SLC30A9: variants seen among roughly 807,000 people sequenced by gnomAD.
SLC30A9 encodes the protein solute carrier family 30 member 9.
Under a neutral mutation model 87.5 loss-of-function variants are expected in SLC30A9, and 58 were observed. That is an observed-to-expected ratio of 0.66 (90% CI 0.54 to 0.82). The LOEUF (loss-of-function observed/expected upper bound fraction) is 0.82. SLC30A9 is among the 40% of genes least tolerant of loss of function. The pLI, the probability that SLC30A9 is intolerant of heterozygous loss-of-function variation, is 0.00. For synonymous variants in SLC30A9, 234 were observed against 233.0 expected (o/e 1.00, Z -0.04); for missense variants, 557 against 679.1 (o/e 0.82, Z 2.00).
At chr4:42,047,468 A>G (rs947624333) in intron 8 of SLC30A9, among the ~76,000 whole-genome samples, 2 of 152,234 alleles carry the variant, frequency 1.3e-5, no homozygotes, top group African/African-American at 2.4e-5. Context: ...GCCAACAAAC[A>G]TATGGAAAAA....
At chr4:42,082,282 A>G (rs1718771925) in intron 17 of SLC30A9, among the ~76,000 whole-genome samples, 1 of 151,176 alleles carries the variant, frequency 6.6e-6, no homozygotes, top group Admixed American at 6.6e-5. Flanking sequence ...TCTTAAGTCA[A>G]AGGACATGTT....
chr4:42,068,324 A>G (rs1286313890), intron 14 of SLC30A9, among the ~76,000 whole-genome samples: 1 of 151,364 alleles, frequency 6.6e-6, no homozygotes, highest in African/African-American at 2.4e-5. Flanking sequence ...GCTCACTGCA[A>G]CCTCCACCTC....
At position 42,076,974 on chromosome 4, in the gene SLC30A9, A is replaced by AAAG. The variant is rs1553919332; in HGVS notation, c.1548+1190_1548+1191insGAA. Among the ~76,000 whole-genome samples the AAAG allele has an allele frequency of 4.3e-4, 61 of 141,248 alleles. 9 individuals are homozygous for AAAG. Among genetic ancestry groups the AAAG allele is most frequent in the Non-Finnish European group, 3.9e-4 (26 of 65,838 alleles). The allele number at this position is 141,248 out of a possible 152,430, so 92.7% of individuals were successfully genotyped here. ...GAGACTCCGTCTCAAAAAAAAAAAA[A>AAAG]AAAGAAAGAAACAATGCCATGATTG... On this transcript the variant is annotated intron_variant, in intron 16 of 17. Transcript: ENST00000264451.
rs540855666 is a variant in SLC30A9, at chr4:41,997,766, A to C, written c.110-3850A>C. 5.3e-5 allele frequency among the ~76,000 whole-genome samples: 8 copies of C among 152,364 alleles called. 1 individual carries two copies. The East Asian group carries it at 1.5e-3, about 29-fold the overall frequency. The stretch of plus-strand genomic sequence containing the variant: ...TCTATATTATGTATTTTAAATTCAC[A>C]CTTAATAACCTCTTTAAAAGGTTAT... On this transcript the variant is annotated intron_variant, in intron 1 of 17. Transcript: ENST00000264451.
chr4:42,075,059 A>ATATATATT (rs1718493085), intron 15 of SLC30A9, among the ~76,000 whole-genome samples: 2 of 32,302 alleles, frequency 6.2e-5, no homozygotes, highest in African/African-American at 1.2e-4. Context: ...ATATATATAT[A>ATATATATT]TTTTTTTTTT....
At chr4:42,057,961 G>A (rs929181737) in intron 9 of SLC30A9, among the ~76,000 whole-genome samples, 2 of 152,012 alleles carry the variant, frequency 1.3e-5, no homozygotes, top group African/African-American at 4.8e-5. Flanking sequence ...AATTAGCTGG[G>A]TGTGGTGGCA....
chr4:42,065,190 C>T, intron 11 of SLC30A9, 120 bp from the exon 12 acceptor site: 3 of 655,692 alleles, frequency 4.6e-6, no homozygotes, highest in Non-Finnish European at 8.4e-6. Context: ...CCATTAGTAA[C>T]CTTACTGTCT....
intron 1 of SLC30A9, 134 bp from the exon 2 acceptor site, chr4:42,001,482 C>G (rs947429009): frequency 8.1e-6 from 4 of 493,014 alleles, no homozygotes; most frequent in Non-Finnish European, 1.5e-5. Context: ...AATGTTGTCA[C>G]TAATTTTTCT....
intron 13 of SLC30A9, 36 bp downstream of exon 13, chr4:42,066,657 C>T (rs1718089461): frequency 7.1e-7 from 1 of 1,398,760 alleles, no homozygotes; most frequent in African/African-American, 1.4e-5. Context: ...TGTTTCACCT[C>T]CCTTATTTGC....
chr4:42,055,030 A>G (rs1717546869), intron 9 of SLC30A9, among the ~76,000 whole-genome samples: 1 of 151,902 alleles, frequency 6.6e-6, no homozygotes, highest in East Asian at 2.0e-4. Context: ...GTTTTTAAAA[A>G]TGTTCTATCA....
At chr4:42,068,097 GTAAA>G (rs1183357532) in intron 14 of SLC30A9, among the ~76,000 whole-genome samples, 1 of 152,042 alleles carries the variant, frequency 6.6e-6, no homozygotes, top group Non-Finnish European at 1.5e-5. Context: ...CAAAAATTGG[GTAAA>G]TAATTATTTT....
At position 42,067,144 on chromosome 4, in the gene SLC30A9, T is replaced by C. The variant is rs567918009; in HGVS notation, c.1204T>C (p.Leu402=). 1.2e-6 allele frequency: 2 copies of C among 1,612,896 alleles called. No homozygotes were observed. Among genetic ancestry groups the C allele is most frequent in the South Asian group, 2.2e-5 (2 of 91,056 alleles). Residue 402 remains leucine, a synonymous_variant, in exon 14 of 18, where the codon TTG becomes CTG. Coordinates refer to ENST00000264451, the MANE Select transcript of SLC30A9 (RefSeq NM_006345.4). ...ATTATTGGAGGATACTGCTGCAGTC[T>C]TGGGAGTTATAATAGCAGCCACTTG... The part of the protein sequence containing the change: ...VILLEDTAAV[L]GVIIAATCMG...
rs574047135 is a variant in SLC30A9 at position 42,074,067 on chromosome 4, T to C, written c.1419-1590T>C. Among the ~76,000 whole-genome samples the C allele has an allele frequency of 3.3e-5, 5 of 151,742 alleles. No homozygotes were observed. In the South Asian group the frequency reaches 8.4e-4, roughly 25 times the overall value. On this transcript the variant is annotated intron_variant, in intron 15 of 17. Coordinates refer to ENST00000264451, the MANE Select transcript of SLC30A9 (RefSeq NM_006345.4). ...CTAAAGTAGAAATGATTTTTGAAAATGAATAAATATGTTCTGTGAGTTACC... is the reference window on the plus strand; with the variant it reads ...CTAAAGTAGAAATGATTTTTGAAAACGAATAAATATGTTCTGTGAGTTACC...
At chr4:42,057,245 G>A (rs1717659741) in intron 9 of SLC30A9, among the ~76,000 whole-genome samples, 1 of 152,120 alleles carries the variant, frequency 6.6e-6, no homozygotes, top group Admixed American at 6.5e-5. Context: ...CTGTGTGGGG[G>A]CTCCCACCCC....
At chr4:42,017,026 A>T (rs1048144481) in intron 2 of SLC30A9, among the ~76,000 whole-genome samples, 2 of 152,216 alleles carry the variant, frequency 1.3e-5, no homozygotes, top group African/African-American at 4.8e-5. Flanking sequence ...CAACTTGTTT[A>T]CCAAGGTATT....
chr4:42,042,384 T>TG (rs1047537874), intron 8 of SLC30A9, among the ~76,000 whole-genome samples: 1 of 151,994 alleles, frequency 6.6e-6, no homozygotes, highest in Non-Finnish European at 1.5e-5. Flanking sequence ...GTTGGGGAGT[T>TG]GGGGGTTGGG....
intron 14 of SLC30A9, 50 bp from the exon 15 acceptor site, chr4:42,070,476 G>A (rs372427021): frequency 2.8e-6 from 4 of 1,448,560 alleles, no homozygotes; most frequent in Non-Finnish European, 2.8e-6. Context: ...AAAGTTCACT[G>A]AAATAATATA....
intron 9 of SLC30A9, among the ~76,000 whole-genome samples, chr4:42,052,727 A>G (rs1717426900): frequency 1.3e-5 from 2 of 152,256 alleles, no homozygotes; most frequent in African/African-American, 4.8e-5. Flanking sequence ...CACACTGTAT[A>G]CAAGTTTGAA....
intron 9 of SLC30A9, among the ~76,000 whole-genome samples, chr4:42,054,785 G>GC: frequency 6.6e-6 from 1 of 151,996 alleles, no homozygotes; most frequent in Non-Finnish European, 1.5e-5. Flanking sequence ...ACAGACATGA[G>GC]CCACCGCACC....
Sources: gnomAD v4.1 joint callset for allele counts (sites outside exome capture counted in the v4.1 genomes callset) on GRCh38, gnomAD v4.1.1 for gene constraint, MANE v1.5 for transcripts, NCBI Gene and HGNC (gene_info 2026-07-23, HGNC 2026-07-21) for gene names.